ARB2A: variants seen among roughly 807,000 people sequenced by gnomAD.
ARB2A encodes ARB2 cotranscriptional regulator A.
At chr5:93,834,120 C>T in the ARB2A span, among the ~76,000 whole-genome samples, 1 of 152,128 alleles carries the variant, frequency 6.6e-6, no homozygotes, top group Admixed American at 6.5e-5. Flanking sequence ...TGAGCATTTC[C>T]AACCAGCAAA....
the ARB2A span, among the ~76,000 whole-genome samples, chr5:94,036,627 C>A: frequency 6.6e-6 from 1 of 152,116 alleles, no homozygotes; most frequent in South Asian, 2.1e-4. Flanking sequence ...ATGCATCATA[C>A]CCACTGATGC....
the ARB2A span, among the ~76,000 whole-genome samples, chr5:93,763,837 T>C: frequency 1.3e-5 from 2 of 152,132 alleles, no homozygotes; most frequent in African/African-American, 2.4e-5. Context: ...ACAGAAATTA[T>C]AACAAACTGT....
At chr5:94,050,866 A>G in the ARB2A span, 10 of 1,365,938 alleles carry the variant, frequency 7.3e-6, no homozygotes, top group East Asian at 2.3e-5. Context: ...GCTATACTTC[A>G]AAGTATATTG....
the ARB2A span, among the ~76,000 whole-genome samples, chr5:93,750,961 T>TA: frequency 6.6e-6 from 1 of 152,166 alleles, no homozygotes; most frequent in East Asian, 1.9e-4. Flanking sequence ...TAAATAAAAG[T>TA]AAAAAATCTG....
At chr5:93,886,416 C>T in the ARB2A span, among the ~76,000 whole-genome samples, 1 of 151,716 alleles carries the variant, frequency 6.6e-6, no homozygotes, top group African/African-American at 2.4e-5. Flanking sequence ...GTTCAGCATT[C>T]TATCTGCTTG....
At chr5:94,057,618 G>A in the ARB2A span, among the ~76,000 whole-genome samples, 1 of 152,126 alleles carries the variant, frequency 6.6e-6, no homozygotes, top group Non-Finnish European at 1.5e-5. Context: ...TTAAATAAAT[G>A]AGTATTTAAA....
chr5:93,644,873 ATAT>A, the ARB2A span, among the ~76,000 whole-genome samples: 3 of 152,210 alleles, frequency 2.0e-5, no homozygotes, highest in Non-Finnish European at 4.4e-5. Flanking sequence ...TTCATTCTTT[ATAT>A]TCATATCATT....
At chr5:93,708,567 G>A in the ARB2A span, among the ~76,000 whole-genome samples, 5 of 152,170 alleles carry the variant, frequency 3.3e-5, no homozygotes, top group South Asian at 1.0e-3. Flanking sequence ...TTGACAGCAG[G>A]ATTCCGCTCC....
chr5:93,640,918 C>A, the ARB2A span, among the ~76,000 whole-genome samples: 1 of 151,718 alleles, frequency 6.6e-6, no homozygotes, highest in Non-Finnish European at 1.5e-5. Context: ...ATTATAAGCC[C>A]ATGCCAGGTG....
At chr5:94,092,537 T>G in the ARB2A span, among the ~76,000 whole-genome samples, 1 of 152,218 alleles carries the variant, frequency 6.6e-6, no homozygotes, top group Non-Finnish European at 1.5e-5. Flanking sequence ...TGTCTTTCAT[T>G]TTTCTGTTAT....
the ARB2A span, among the ~76,000 whole-genome samples, chr5:94,008,783 A>G: frequency 6.6e-6 from 1 of 152,148 alleles, no homozygotes; most frequent in Non-Finnish European, 1.5e-5. Flanking sequence ...CCTCAAGACT[A>G]TCTTAATGTA....
the ARB2A span, among the ~76,000 whole-genome samples, chr5:93,856,239 T>C: frequency 6.6e-6 from 1 of 152,154 alleles, no homozygotes; most frequent in East Asian, 1.9e-4. Context: ...TCAACTTTGG[T>C]GAATCTGATA....
the ARB2A span, among the ~76,000 whole-genome samples, chr5:93,718,508 G>A: frequency 6.6e-6 from 1 of 152,036 alleles, no homozygotes; most frequent in Non-Finnish European, 1.5e-5. Flanking sequence ...ATAACAGAAC[G>A]TGGAGAAAAA....
At chr5:93,780,661 GTGATTCT>G in the ARB2A span, among the ~76,000 whole-genome samples, 1 of 151,736 alleles carries the variant, frequency 6.6e-6, no homozygotes, top group Non-Finnish European at 1.5e-5. Flanking sequence ...CTGGGTTCAA[GTGATTCT>G]CCTGCCTCAG....
At chr5:94,085,744 T>G in the ARB2A span, among the ~76,000 whole-genome samples, 1 of 152,126 alleles carries the variant, frequency 6.6e-6, no homozygotes, top group Non-Finnish European at 1.5e-5. Flanking sequence ...TCTCCAATTA[T>G]AGGAGAGCAA....
chr5:93,812,077 A>C, the ARB2A span, among the ~76,000 whole-genome samples: 1 of 152,168 alleles, frequency 6.6e-6, no homozygotes, highest in Non-Finnish European at 1.5e-5. Flanking sequence ...GAGATCTTAG[A>C]GTAAACACAC....
At chr5:93,996,625 A>G in the ARB2A span, among the ~76,000 whole-genome samples, 1 of 152,084 alleles carries the variant, frequency 6.6e-6, no homozygotes, top group Non-Finnish European at 1.5e-5. Context: ...ATTATCTCCA[A>G]TGTTACATAC....
At chr5:93,741,239 T>TC in the ARB2A span, 1 of 1,613,870 alleles carries the variant, frequency 6.2e-7, no homozygotes, top group Admixed American at 1.7e-5. Context: ...TTCGGAATGC[T>TC]CCGCAGGGCA....
chr5:93,862,482 T>G, the ARB2A span: 1 of 152,244 alleles, frequency 6.6e-6, no homozygotes, highest in Non-Finnish European at 1.5e-5. Flanking sequence ...GCATTAAATA[T>G]AAGCCTTTCT....
Sources: gnomAD v4.1 joint callset for allele counts (sites outside exome capture counted in the v4.1 genomes callset) on GRCh38, gnomAD v4.1.1 for gene constraint, MANE v1.5 for transcripts, NCBI Gene and HGNC (gene_info 2026-07-23, HGNC 2026-07-21) for gene names.